The following MRPL39 variants were observed in gnomAD, a reference collection of about 807,000 sequenced individuals.
MRPL39 encodes mitochondrial ribosomal protein L39, also known as large ribosomal subunit protein mL39.
MRPL39 carries 35 observed loss-of-function variants against 44.5 expected under a neutral mutation model. The observed-to-expected ratio is 0.79, with a 90% CI of 0.60 to 1.04. The LOEUF (loss-of-function observed/expected upper bound fraction) is 1.04, where lower values mean the gene tolerates loss of function less well. Ranked by LOEUF, MRPL39 falls within the 50% of genes least tolerant of loss-of-function variation. The probability of loss-of-function intolerance (pLI) is 0.00; values close to 1 mark genes in which losing one functional copy is unlikely to be tolerated. For synonymous variants in MRPL39, 139 were observed against 136.1 expected (o/e 1.02, Z -0.15); for missense variants, 433 against 413.5 (o/e 1.05, Z -0.41).
In MRPL39 at chr21:25,598,209, C is replaced by A. The variant is rs1486609433; in HGVS notation, c.589-795G>T. Among the ~76,000 whole-genome samples the A allele has an allele frequency of 4.6e-5, 7 of 151,988 alleles. 1 individual carries two copies. The South Asian group carries it at 1.4e-3, about 31-fold the overall frequency. On this transcript the variant is annotated intron_variant, in intron 5 of 9. Transcript: ENST00000352957. ...TAATACAACTATTCCTTCAATGTAA[C>A]TCTACCCTACTTTCTTTAAGCTGTC...
chr21:25,586,931 G>C (rs1400505854), intron 9 of MRPL39, among the ~76,000 whole-genome samples: 1 of 152,010 alleles, frequency 6.6e-6, no homozygotes, highest in Admixed American at 6.5e-5. Flanking sequence ...ACTTCCCTGA[G>C]GCAGCAAGTA....
intron 5 of MRPL39, among the ~76,000 whole-genome samples, chr21:25,599,074 C>T (rs2031446391): frequency 6.6e-6 from 1 of 152,148 alleles, no homozygotes. Context: ...CTATTCTCCC[C>T]AATCAGAACT....
At chr21:25,596,602 A>G (rs558730263) in intron 6 of MRPL39, among the ~76,000 whole-genome samples, 1 of 152,340 alleles carries the variant, frequency 6.6e-6, no homozygotes, top group South Asian at 2.1e-4. Context: ...TTCAACTTCT[A>G]TATACCTAAA....
intron 8 of MRPL39, among the ~76,000 whole-genome samples, chr21:25,590,332 T>C (rs773221756): frequency 2.6e-5 from 4 of 151,744 alleles, no homozygotes; most frequent in Non-Finnish European, 5.9e-5. Context: ...GAAGAAGAAT[T>C]GTCCTGGACC....
intron 5 of MRPL39, among the ~76,000 whole-genome samples, chr21:25,598,257 TC>T (rs1357898518): frequency 5.6e-5 from 4 of 71,426 alleles, no homozygotes; most frequent in Non-Finnish European, 1.3e-4. Context: ...CTCCATGGAG[TC>T]TGCAATCAGC....
chr21:25,594,039 C>T (rs978921924), intron 6 of MRPL39, 81 bp from the exon 7 acceptor site: 8 of 1,154,508 alleles, frequency 6.9e-6, no homozygotes, highest in Non-Finnish European at 1.0e-5. Flanking sequence ...CTTTCTCTTC[C>T]TCTTCAGCCA....
At chr21:25,587,185 A>G (rs187086293) in intron 9 of MRPL39, among the ~76,000 whole-genome samples, 16 of 152,324 alleles carry the variant, frequency 1.1e-4, no homozygotes, top group African/African-American at 3.8e-4. Context: ...TCATTCCTTT[A>G]AAGTGTTCAG....
intron 2 of MRPL39, among the ~76,000 whole-genome samples, chr21:25,605,057 A>G (rs1039048669): frequency 2.0e-5 from 3 of 152,246 alleles, no homozygotes; most frequent in East Asian, 1.9e-4. Context: ...GTAAATATTT[A>G]TAAGTACTAA....
intron 8 of MRPL39, among the ~76,000 whole-genome samples, chr21:25,591,632 A>G (rs1039227532): frequency 2.1e-5 from 3 of 143,376 alleles, no homozygotes; most frequent in African/African-American, 7.6e-5. Context: ...AAATCACTAC[A>G]AACATATCAG....
chr21:25,605,211 T>C (rs1331503382), intron 2 of MRPL39, among the ~76,000 whole-genome samples: 6 of 152,240 alleles, frequency 3.9e-5, no homozygotes, highest in South Asian at 4.1e-4. Flanking sequence ...GTCATGCCTG[T>C]ATCTGTTTTG....
chr21:25,587,898 T>C (rs2031051054), intron 9 of MRPL39: 3 of 812,392 alleles, frequency 3.7e-6, no homozygotes, highest in East Asian at 5.2e-5. Context: ...TTGTGGGAAA[T>C]TAGGATAAGG....
chr21:25,592,548 T>G (rs1537088), intron 8 of MRPL39, among the ~76,000 whole-genome samples: 3 of 152,038 alleles, frequency 2.0e-5, no homozygotes, highest in East Asian at 3.8e-4. Flanking sequence ...TAATACCCCC[T>G]CTGTCAATGT....
At chr21:25,593,758 C>T (rs1035229300) in intron 7 of MRPL39, 135 bp downstream of exon 7, 15 of 613,206 alleles carry the variant, frequency 2.4e-5, no homozygotes, top group Middle Eastern at 3.0e-4. Flanking sequence ...AAACAATGAA[C>T]GAAGCAACCA....
chr21:25,589,019 T>C, intron 8 of MRPL39, 137 bp from the exon 9 acceptor site: 1 of 698,532 alleles, frequency 1.4e-6, no homozygotes, highest in East Asian at 2.8e-5. Flanking sequence ...GTTATAAAAG[T>C]GGATCATAGT....
chr21:25,592,774 C>G (rs2031219096), intron 8 of MRPL39, 38 bp downstream of exon 8: 2 of 1,488,292 alleles, frequency 1.3e-6, no homozygotes, highest in Non-Finnish European at 1.8e-6. Context: ...TATATCTATA[C>G]CCAAATTGGA....
chr21:25,596,496 G>C (rs2031365307), intron 6 of MRPL39, among the ~76,000 whole-genome samples: 1 of 151,970 alleles, frequency 6.6e-6, no homozygotes, highest in South Asian at 2.1e-4. Flanking sequence ...CTATAAGACA[G>C]ACTGCTTTGA....
In MRPL39 at chr21:25,593,001, C is replaced by T. The variant is rs371172146; in HGVS notation, c.768-36G>A. On this transcript the variant is annotated intron_variant, in intron 7 of 9. Coordinates refer to ENST00000352957, the MANE Select transcript of MRPL39 (RefSeq NM_017446.4). ...TAAAAATAAATAAACAAAACTGCAA[C>T]ATCAAATAATTTGTAAGAGCTTGAA... 3.9e-6 allele frequency: 6 copies of T among 1,527,400 alleles called. No individual in the cohort carries two copies. The South Asian group carries it at 7.6e-5, about 19-fold the overall frequency. 94.6% of individuals were successfully genotyped at this position (1,527,400 alleles called of 1,614,324 possible). A position where few individuals can be genotyped will look rare whatever the true frequency, so the allele number is the denominator to read the frequency against.
Position 25,592,865 on chromosome 21 carries a change from G to A in MRPL39, c.868C>T (p.Gln290Ter). ...TGGAATCTTCGTATGAGACTTGGCT[G>A]GGTGGGTTGAAGATTGTGAACTGCT... is the stretch of plus-strand genomic sequence containing the variant. ...VSAVHNLQPT[Q>*]PSLIRRFQGV... The change falls in exon 8 of 10, where the codon CAG (glutamine) becomes TAG (stop). Residue 290 changes from glutamine (Q) to a stop codon, truncating the protein, a stop_gained. Transcript: ENST00000352957. LOFTEE classifies it high-confidence loss of function. The A allele has an allele frequency of 6.2e-7, 1 of 1,613,004 alleles. No individual in the cohort carries two copies. Among genetic ancestry groups the A allele is most frequent in the Non-Finnish European group, 8.5e-7 (1 of 1,179,000 alleles).
chr21:25,588,237 G>C (rs894562307), intron 9 of MRPL39, among the ~76,000 whole-genome samples: 2 of 151,998 alleles, frequency 1.3e-5, no homozygotes, highest in African/African-American at 2.4e-5. Context: ...GCTTGAGCCC[G>C]GGAGGTGGAG....
Sources: allele counts gnomAD v4.1 joint callset (sites outside exome capture counted in the v4.1 genomes callset), GRCh38; gene constraint gnomAD v4.1.1; transcripts MANE v1.5; gene names NCBI Gene and HGNC (gene_info 2026-07-23, HGNC 2026-07-21).